KCTD15: variants seen among roughly 807,000 people sequenced by gnomAD.
The protein encoded by KCTD15 is BTB/POZ domain-containing protein KCTD15.
Under a neutral mutation model 27.2 loss-of-function variants are expected in KCTD15, and 11 were observed. The observed-to-expected ratio is 0.41, with a 90% CI of 0.25 to 0.67. The LOEUF is 0.67. Among genes scored for constraint, KCTD15 ranks in the 30% least tolerant of loss-of-function variants. The pLI is 0.35. For synonymous variants in KCTD15, 163 were observed against 176.0 expected, an observed-to-expected ratio of 0.93 and a Z score of 0.58; for missense variants, 350 against 409.3, an observed-to-expected ratio of 0.86 and a Z score of 1.25.
intron 5 of KCTD15, among the ~76,000 whole-genome samples, chr19:33,810,495 C>A (rs1005780704): frequency 1.3e-5 from 2 of 152,062 alleles, no homozygotes; most frequent in African/African-American, 2.4e-5. Context: ...GCCTGGCCAA[C>A]ATGGGAAAAC....
rs753040500 is a variant in KCTD15 at position 33,815,640 on chromosome 19, G to C, written c.*2692G>C. The C allele has an allele frequency of 5.9e-5, 9 of 151,422 alleles. No individual in the cohort carries two copies. The highest frequency in any genetic ancestry group is 1.2e-4 in the Non-Finnish European group (8 of 68,008). The allele number at this position is 151,422 out of a possible 1,614,324, so 9.4% of individuals were successfully genotyped here. On this transcript the variant is annotated 3_prime_UTR_variant, in exon 7 of 7. Transcript: ENST00000683859. ...GGTCTCAGCCACCGTCCCGCTCACA[G>C]GGGCCCAATGCCAGGTCACAACACT...
rs1407299145 is a variant in KCTD15, at chr19:33,813,926, G to A, written c.*978G>A. 1 of 153,412 alleles carries A rather than the reference G, an allele frequency of 6.5e-6. No homozygotes were observed. Among genetic ancestry groups the A allele is most frequent in the Non-Finnish European group, 1.5e-5 (1 of 68,658 alleles). The allele number at this position is 153,412 out of a possible 1,614,324, so 9.5% of individuals were successfully genotyped here. ...GCCTGCCGATGAGACCCAGACACAG[G>A]CAGACCTGGCGCTCTTGACCCCTGA... On this transcript the variant is annotated 3_prime_UTR_variant, in exon 7 of 7. Transcript: ENST00000683859.
chr19:33,811,709 GTCCCTCTCAT>G, intron 6 of KCTD15, 157 bp downstream of exon 6: 1 of 1,539,690 alleles, frequency 6.5e-7, no homozygotes, highest in Non-Finnish European at 8.9e-7. Flanking sequence ...CATAATTTAT[GTCCCTCTCAT>G]AATTAAATGA....
upstream of KCTD15, among the ~76,000 whole-genome samples, chr19:33,795,092 T>A (rs889177962): frequency 2.6e-5 from 4 of 152,204 alleles, no homozygotes; most frequent in African/African-American, 9.6e-5. Context: ...TTAAGGAAAT[T>A]AACTGATGGG....
In KCTD15 at chr19:33,815,177, T is replaced by C. The variant is rs1976055389; in HGVS notation, c.*2229T>C. ...AACTCTCTTTTTGGGTAAATGATTG[T>C]GCTAAAAATAAAATTTATTAATAAA... On this transcript the variant is annotated 3_prime_UTR_variant, in exon 7 of 7. Transcript: ENST00000683859. 1 of 152,196 alleles carries C rather than the reference T, an allele frequency of 6.6e-6. No individual in the cohort carries two copies. The highest frequency in any genetic ancestry group is 2.1e-4 in the South Asian group (1 of 4,824). 9.4% of individuals were successfully genotyped at this position (152,196 alleles called of 1,614,324 possible).
chr19:33,794,482 GCGTTA>G (rs1468147139), upstream of KCTD15, among the ~76,000 whole-genome samples: 3 of 152,178 alleles, frequency 2.0e-5, no homozygotes, highest in Non-Finnish European at 4.4e-5. Flanking sequence ...CGAAACAAAG[GCGTTA>G]CCGCAGCCAC....
At chr19:33,801,060 T>C (rs1975522636) in intron 3 of KCTD15, 107 bp from the exon 4 acceptor site, 1 of 1,071,424 alleles carries the variant, frequency 9.3e-7, no homozygotes, top group Admixed American at 2.4e-5. Context: ...GTGATCTGAT[T>C]AGATCTGTGA....
chr19:33,812,914 C>T lies in KCTD15; in HGVS notation c.818C>T (p.Thr273Ile), dbSNP rs1246728614. Residue 273 changes from threonine (T) to isoleucine (I), a missense_variant, in exon 7 of 7, where the codon ACT becomes ATT. By Grantham distance (89) the Thr-to-Ile change is moderately conservative. Around this residue, in one of 3 missense-constraint regions of KCTD15, gnomAD observed 219 missense variants for 234.9 expected, o/e 0.93. Coordinates refer to ENST00000683859, the MANE Select transcript of KCTD15 (RefSeq NM_001129994.2). ...GAGCGGCGGCCGCAGCCCACCCCCA[C>T]TGCTGTTCGAATCAAGCAGGAACCC... The part of the protein sequence containing the change: ...REERRPQPTP[T>I]AVRIKQEPLD The T allele has an allele frequency of 4.5e-6, 7 of 1,549,730 alleles. No homozygotes were observed. Among genetic ancestry groups the T allele is most frequent in the Middle Eastern group, 1.7e-4 (1 of 5,984 alleles).
At chr19:33,800,366 G>T in intron 2 of KCTD15, 62 bp from the exon 3 acceptor site, 2 of 1,338,592 alleles carry the variant, frequency 1.5e-6, no homozygotes, top group South Asian at 1.3e-5. Context: ...AAGTGTCTTT[G>T]ACCCCATGGT....
chr19:33,808,438 G>A lies in KCTD15; in HGVS notation c.387+1431G>A, dbSNP rs935457771. ...TCATCTGGGTGGTGAAGGCAGAACGGGGCCAAACAGGTGTGAGGGCCTTGG... is the reference window on the plus strand; with the variant it reads ...TCATCTGGGTGGTGAAGGCAGAACGAGGCCAAACAGGTGTGAGGGCCTTGG... On this transcript the variant is annotated intron_variant, in intron 5 of 6. Coordinates refer to ENST00000683859, the MANE Select transcript of KCTD15 (RefSeq NM_001129994.2). Among the ~76,000 whole-genome samples, 3 of 152,182 alleles carry A rather than the reference G, an allele frequency of 2.0e-5. No homozygotes were observed. In the East Asian group the frequency reaches 5.8e-4, roughly 29 times the overall value.
intron 1 of KCTD15, 61 bp from the exon 2 acceptor site, chr19:33,798,607 T>G (rs912659714): frequency 6.5e-6 from 1 of 152,774 alleles, no homozygotes; most frequent in African/African-American, 2.4e-5. Flanking sequence ...GGTTTGATGC[T>G]GGTGCTGGTG....
chr19:33,813,634 T>C lies in KCTD15; in HGVS notation c.*686T>C, dbSNP rs892781082. The C allele has an allele frequency of 6.1e-6, 2 of 326,896 alleles. No homozygotes were observed. The highest frequency in any genetic ancestry group is 2.3e-5 in the South Asian group (1 of 43,568). 20.2% of individuals were successfully genotyped at this position (326,896 alleles called of 1,614,324 possible). A position where few individuals can be genotyped will look rare whatever the true frequency, so the allele number is the denominator to read the frequency against. On this transcript the variant is annotated 3_prime_UTR_variant, in exon 7 of 7. Coordinates refer to ENST00000683859, the MANE Select transcript of KCTD15 (RefSeq NM_001129994.2). ...CCTGAGACCTTCACGTTTGCTGCCG[T>C]TGGGGGCTCAGGCTGCACTCCCCGG...
chr19:33,797,728 C>G (rs1191379880), intron 1 of KCTD15, among the ~76,000 whole-genome samples: 1 of 152,198 alleles, frequency 6.6e-6, no homozygotes, highest in Non-Finnish European at 1.5e-5. Flanking sequence ...CCCGCGACTG[C>G]AGAAAGATAA....
rs1468619380 is a variant in KCTD15 at position 33,804,940 on chromosome 19, C to T, written c.243-1923C>T. ...GACAGCCTTGCCCTTTTCTTTCTTTCTTTTAAGCGACAGCGTTTGTCTTTC... is the reference window on the plus strand; with the variant it reads ...GACAGCCTTGCCCTTTTCTTTCTTTTTTTTAAGCGACAGCGTTTGTCTTTC... On this transcript the variant is annotated intron_variant, in intron 4 of 6. Transcript: ENST00000683859. 2.0e-5 allele frequency among the ~76,000 whole-genome samples: 3 copies of T among 152,274 alleles called. No individual in the cohort carries two copies. In the East Asian group the frequency reaches 5.8e-4, roughly 29 times the overall value.
intron 1 of KCTD15, chr19:33,797,255 T>G: frequency 4.8e-6 from 1 of 207,922 alleles, no homozygotes; most frequent in South Asian, 3.0e-5. Flanking sequence ...GCGGTGTGTG[T>G]GTGTGTGTGT....
upstream of KCTD15, among the ~76,000 whole-genome samples, chr19:33,796,256 G>C (rs945244604): frequency 2.7e-5 from 4 of 150,276 alleles, no homozygotes; most frequent in Non-Finnish European, 4.4e-5. Flanking sequence ...CCCGGGCGCC[G>C]CGTGGCCGGC....
At chr19:33,800,344 A>G in intron 2 of KCTD15, 84 bp from the exon 3 acceptor site, 1 of 1,139,036 alleles carries the variant, frequency 8.8e-7, no homozygotes, top group South Asian at 1.3e-5. Flanking sequence ...AGCATGCAGA[A>G]AGGACAATTC....
At chr19:33,806,045 T>C (rs73929805) in intron 4 of KCTD15, among the ~76,000 whole-genome samples, 6,898 of 152,322 alleles carry the variant, frequency 0.045, 486 homozygotes, top group African/African-American at 0.15. Context: ...GCATACGCTC[T>C]GGCATGTGTG....
chr19:33,812,952 C>G lies in KCTD15; in HGVS notation c.*4C>G. 2 of 1,542,316 alleles carry G rather than the reference C, an allele frequency of 1.3e-6. No homozygotes were observed. The highest frequency in any genetic ancestry group is 1.7e-6 in the Non-Finnish European group (2 of 1,144,540). On this transcript the variant is annotated 3_prime_UTR_variant, in exon 7 of 7. Transcript: ENST00000683859. Reference sequence around the variant, plus strand: ...CAAGCAGGAACCCCTGGACTAGGCCCTGCTTCAGTGCCCACCTGGGCCCCC... The same window carrying G: ...CAAGCAGGAACCCCTGGACTAGGCCGTGCTTCAGTGCCCACCTGGGCCCCC...
Sources: allele counts gnomAD v4.1 joint callset (sites outside exome capture counted in the v4.1 genomes callset), GRCh38; gene constraint gnomAD v4.1.1; regional missense constraint gnomAD v4.1.1; transcripts MANE v1.5; gene names NCBI Gene and HGNC (gene_info 2026-07-23, HGNC 2026-07-21).